The following GMPR variants were observed in gnomAD, a reference collection of about 807,000 sequenced individuals.
GMPR encodes the protein guanosine monophosphate reductase, also known as GMP reductase 1.
GMPR carries 31 observed loss-of-function variants against 38.4 expected under a neutral mutation model. That is an observed-to-expected ratio of 0.81 (90% CI 0.61 to 1.09). The LOEUF (loss-of-function observed/expected upper bound fraction) is 1.09. Among genes scored for constraint, GMPR ranks in the 50% least tolerant of loss-of-function variants. GMPR has a pLI of 0.00. For missense variants in GMPR, 468 were observed against 453.7 expected, an observed-to-expected ratio of 1.03 and a Z score of -0.29; for synonymous variants, 162 against 173.3, an observed-to-expected ratio of 0.93 and a Z score of 0.51.
rs763336945 is a variant in GMPR, at chr6:16,238,672, C to G, written c.-22C>G. 4.8e-6 allele frequency: 6 copies of G among 1,262,898 alleles called. No homozygotes were observed. The highest frequency in any genetic ancestry group is 5.1e-6 in the Non-Finnish European group (5 of 976,056). The allele number at this position is 1,262,898 out of a possible 1,614,324, so 78.2% of individuals were successfully genotyped here. On this transcript the variant is annotated 5_prime_UTR_variant, in exon 1 of 9. Coordinates refer to ENST00000259727, the MANE Select transcript of GMPR (RefSeq NM_006877.4). ...GCCCCCGCCCCGCCGTCGCCGCCGC[C>G]GCAGCCAGGAGCCGCTGCACCATGC...
rs1581649995 is a variant in GMPR, at chr6:16,254,865, G to A, written c.465+130G>A. The A allele has an allele frequency of 2.9e-5, 18 of 628,276 alleles. No homozygotes were observed. In the East Asian group the frequency reaches 3.9e-4, roughly 14 times the overall value. The allele number at this position is 628,276 out of a possible 1,614,324, so 38.9% of individuals were successfully genotyped here. A position where few individuals can be genotyped will look rare whatever the true frequency, so the allele number is the denominator to read the frequency against. On this transcript the variant is annotated intron_variant, in intron 4 of 8. Coordinates refer to ENST00000259727, the MANE Select transcript of GMPR (RefSeq NM_006877.4). ...GCCTCTTTAGTCAAAGATTAATTGAGGATCATTTGGGAAAGGATAGGTAGC... is the reference window on the plus strand; with the variant it reads ...GCCTCTTTAGTCAAAGATTAATTGAAGATCATTTGGGAAAGGATAGGTAGC...
intron 3 of GMPR, 25 bp from the exon 4 acceptor site, chr6:16,254,537 G>C: frequency 6.2e-7 from 1 of 1,607,500 alleles, no homozygotes; most frequent in Non-Finnish European, 8.5e-7. Context: ...GTTTATGCCT[G>C]TCTTCTTGGT....
intron 7 of GMPR, among the ~76,000 whole-genome samples, chr6:16,288,416 G>A (rs1040060738): frequency 2.6e-5 from 4 of 152,234 alleles, no homozygotes; most frequent in Admixed American, 6.5e-5. Flanking sequence ...GCTGCGGAGG[G>A]TGTGCTGGGT....
intron 4 of GMPR, among the ~76,000 whole-genome samples, chr6:16,260,357 A>T (rs891304012): frequency 6.6e-6 from 1 of 152,026 alleles, no homozygotes; most frequent in African/African-American, 2.4e-5. Flanking sequence ...GGCTAAACTG[A>T]AGAATTATTT....
chr6:16,266,030 T>TGAAGTCAGTGAGACCAC (rs1053882912), intron 4 of GMPR, among the ~76,000 whole-genome samples: 1 of 152,030 alleles, frequency 6.6e-6, no homozygotes, highest in Admixed American at 6.5e-5. Flanking sequence ...GCTTCACTGC[T>TGAAGTCAGTGAGACCAC]GAAGTCAGTG....
At chr6:16,253,714 T>C (rs1252638357) in intron 3 of GMPR, among the ~76,000 whole-genome samples, 1 of 151,992 alleles carries the variant, frequency 6.6e-6, no homozygotes, top group Non-Finnish European at 1.5e-5. Context: ...AAAATAAAAA[T>C]AGGTAAGAGT....
At position 16,295,328 on chromosome 6, in the gene GMPR, T is replaced by G. The variant is rs1759917328; in HGVS notation, c.*142T>G. 3 of 619,284 alleles carry G rather than the reference T, an allele frequency of 4.8e-6. No homozygotes were observed. Among genetic ancestry groups the G allele is most frequent in the Non-Finnish European group, 7.5e-6 (3 of 402,020 alleles). 38.4% of individuals were successfully genotyped at this position (619,284 alleles called of 1,614,324 possible). The stretch of plus-strand genomic sequence containing the variant: ...GTCCTCTCTTCTGTCTCCTGCTGCC[T>G]GGAGGCTTCGGGGCTCTCCCGCCTG... On this transcript the variant is annotated 3_prime_UTR_variant, in exon 9 of 9. Transcript: ENST00000259727.
At chr6:16,264,959 T>C (rs1452290826) in intron 4 of GMPR, among the ~76,000 whole-genome samples, 1 of 152,188 alleles carries the variant, frequency 6.6e-6, no homozygotes, top group Non-Finnish European at 1.5e-5. Flanking sequence ...AGAACACCTT[T>C]GTCAGAAAAG....
chr6:16,290,229 T>C, intron 7 of GMPR: 1 of 556,550 alleles, frequency 1.8e-6, no homozygotes, highest in South Asian at 2.2e-5. Flanking sequence ...TATGGGACAC[T>C]AGCCTTCAGT....
At chr6:16,251,304 C>T (rs1021336302) in intron 3 of GMPR, among the ~76,000 whole-genome samples, 3 of 152,078 alleles carry the variant, frequency 2.0e-5, no homozygotes, top group African/African-American at 7.2e-5. Context: ...GGCGCGGTGG[C>T]TCACGCCTGT....
At chr6:16,268,937 T>A (rs1359139585) in intron 4 of GMPR, among the ~76,000 whole-genome samples, 1 of 150,908 alleles carries the variant, frequency 6.6e-6, no homozygotes, top group East Asian at 1.9e-4. Flanking sequence ...AATTTAAATT[T>A]TTTATTTATT....
At chr6:16,265,828 A>G (rs1381981552) in intron 4 of GMPR, among the ~76,000 whole-genome samples, 1 of 151,350 alleles carries the variant, frequency 6.6e-6, no homozygotes, top group Non-Finnish European at 1.5e-5. Flanking sequence ...CACGCCATGG[A>G]GGTTTTCTTC....
In GMPR at chr6:16,246,856, C is replaced by T. The variant is rs988443571; in HGVS notation, c.102C>T (p.Arg34=). Residue 34 remains arginine, a synonymous_variant, in exon 2 of 9, where the codon CGC becomes CGT. Transcript: ENST00000259727. ...LKSRAEVDLE[R]TFTFRNSKQT... ...TTGGCCAACAGGTGGATCTTGAACG[C>T]ACCTTCACGTTTCGAAATTCAAAGC... 6.2e-7 allele frequency: 1 copy of T among 1,613,138 alleles called. No individual in the cohort carries two copies. The highest frequency in any genetic ancestry group is 1.3e-5 in the African/African-American group (1 of 74,834).
chr6:16,285,073 C>T (rs576087490), intron 6 of GMPR, among the ~76,000 whole-genome samples: 1 of 148,450 alleles, frequency 6.7e-6, no homozygotes, highest in Non-Finnish European at 1.5e-5. Context: ...ATTCAGCTAG[C>T]TCTGCATCCT....
At chr6:16,241,170 C>T (rs1758641411) in intron 1 of GMPR, among the ~76,000 whole-genome samples, 1 of 152,100 alleles carries the variant, frequency 6.6e-6, no homozygotes, top group South Asian at 2.1e-4. Flanking sequence ...AGATGACCGA[C>T]ATTGAGCCTA....
In GMPR at chr6:16,295,223, C is replaced by T. The variant is rs758311697; in HGVS notation, c.*37C>T. 2.8e-6 allele frequency: 4 copies of T among 1,436,926 alleles called. No homozygotes were observed. The highest frequency in any genetic ancestry group is 5.3e-5 in the Admixed American group (2 of 37,636). 89.0% of individuals were successfully genotyped at this position (1,436,926 alleles called of 1,614,324 possible). On this transcript the variant is annotated 3_prime_UTR_variant, in exon 9 of 9. Transcript: ENST00000259727. ...AAGCAGCGTCTGGCTCGAGTGGAAG[C>T]GTCCAAACCTGCTTTTCCCATCTCC...
At chr6:16,251,088 TG>T (rs1322044462) in intron 3 of GMPR, among the ~76,000 whole-genome samples, 6 of 152,156 alleles carry the variant, frequency 3.9e-5, no homozygotes, top group Non-Finnish European at 1.5e-5. Flanking sequence ...AACTTGTACA[TG>T]AATGTTCATG....
intron 4 of GMPR, among the ~76,000 whole-genome samples, chr6:16,266,627 C>T (rs1053322973): frequency 1.3e-5 from 2 of 151,426 alleles, no homozygotes; most frequent in African/African-American, 2.4e-5. Context: ...ACGGTGAAAC[C>T]CCATCTCTAC....
intron 7 of GMPR, among the ~76,000 whole-genome samples, chr6:16,288,031 T>C (rs1361367018): frequency 1.3e-5 from 2 of 152,182 alleles, no homozygotes; most frequent in African/African-American, 4.8e-5. Flanking sequence ...GCTACTGTCT[T>C]GTTCTGTTCT....
Sources: allele counts gnomAD v4.1 joint callset (sites outside exome capture counted in the v4.1 genomes callset), GRCh38; gene constraint gnomAD v4.1.1; transcripts MANE v1.5; gene names NCBI Gene and HGNC (gene_info 2026-07-23, HGNC 2026-07-21).